The following CSN3 variants were observed in gnomAD, a reference collection of about 807,000 sequenced individuals.
CSN3 encodes the protein casein kappa.
CSN3 carries 7 observed loss-of-function variants against 9.9 expected under a neutral mutation model. The ratio of observed to expected loss-of-function variants is 0.71; its 90% CI spans 0.40 to 1.33. The LOEUF (loss-of-function observed/expected upper bound fraction) is 1.33, where lower values mean the gene tolerates loss of function less well. CSN3 is among the 40% of genes most tolerant of loss of function. CSN3 has a pLI of 0.01. For synonymous variants in CSN3, 88 were observed against 82.3 expected, an observed-to-expected ratio of 1.07 and a Z score of -0.37; for missense variants, 253 against 227.9, an observed-to-expected ratio of 1.11 and a Z score of -0.71.
chr4:70,247,925 G>T, intron 3 of CSN3, 75 bp downstream of exon 3: 2 of 1,052,858 alleles, frequency 1.9e-6, no homozygotes, highest in South Asian at 1.7e-5. Context: ...TTGTATTATA[G>T]ATGCCTTCTG....
At chr4:70,246,192 A>G (rs1327644043) in intron 2 of CSN3, among the ~76,000 whole-genome samples, 2 of 152,184 alleles carry the variant, frequency 1.3e-5, no homozygotes, top group African/African-American at 4.8e-5. Flanking sequence ...CAAAATAAAA[A>G]TAGTTAGATA....
chr4:70,246,598 G>T (rs62308383), intron 2 of CSN3, among the ~76,000 whole-genome samples: 17,317 of 151,216 alleles, frequency 0.11, 1,306 homozygotes, highest in East Asian at 0.27. Flanking sequence ...CATAACATAG[G>T]TTGATATCGC....
chr4:70,244,307 G>T (rs193044802), intron 1 of CSN3, among the ~76,000 whole-genome samples: 2 of 151,798 alleles, frequency 1.3e-5, no homozygotes, highest in African/African-American at 4.8e-5. Flanking sequence ...TGTTCATGGC[G>T]ATTCTCAAGA....
chr4:70,244,785 T>A, intron 1 of CSN3, 27 bp from the exon 2 acceptor site: 1 of 1,370,780 alleles, frequency 7.3e-7, no homozygotes, highest in Non-Finnish European at 9.8e-7. Context: ...TTCTTTTAAA[T>A]TAATTTTTTT....
chr4:70,247,760 T>C (rs1026541443), intron 2 of CSN3, 58 bp from the exon 3 acceptor site: 175 of 1,348,480 alleles, frequency 1.3e-4, no homozygotes, highest in Non-Finnish European at 1.6e-4. Flanking sequence ...CTGATTTAAG[T>C]ACTTTTTTTT....
intron 3 of CSN3, 60 bp downstream of exon 3, chr4:70,247,910 G>C (rs1271503659): frequency 4.6e-6 from 6 of 1,314,770 alleles, no homozygotes; most frequent in Non-Finnish European, 6.3e-6. Flanking sequence ...TTCTGCAAAG[G>C]TCAATTGTAT....
upstream of CSN3, among the ~76,000 whole-genome samples, chr4:70,240,942 T>A (rs1730260343): frequency 6.6e-6 from 1 of 152,088 alleles, no homozygotes; most frequent in South Asian, 2.1e-4. Context: ...GTAAACATGT[T>A]TTTATCTTGG....
At chr4:70,242,567 C>T (rs1457112639), upstream of CSN3, 1 of 149,624 alleles carries the variant, frequency 6.7e-6, no homozygotes, top group Non-Finnish European at 1.5e-5. Context: ...GGTACTAATA[C>T]CCTTTAATTG....
At chr4:70,243,336 T>G (rs1730309511) in intron 1 of CSN3, 1 of 177,478 alleles carries the variant, frequency 5.6e-6, no homozygotes, top group Non-Finnish European at 1.1e-5. Flanking sequence ...TTTCAGTCTA[T>G]AATCCTAAAA....
At chr4:70,239,440 G>A (rs777795), upstream of CSN3, among the ~76,000 whole-genome samples, 108,363 of 151,704 alleles carry the variant, frequency 0.71, 38,946 homozygotes, top group Admixed American at 0.82. Context: ...TCTTGGGTTC[G>A]TGTTGGAGAA....
intron 2 of CSN3, among the ~76,000 whole-genome samples, chr4:70,245,123 T>G (rs1730353716): frequency 6.6e-6 from 1 of 152,086 alleles, no homozygotes; most frequent in African/African-American, 2.4e-5. Flanking sequence ...CTTTTAAAAT[T>G]CTCATGCTAT....
chr4:70,242,902 C>CA (rs1730301308), intron 1 of CSN3, among the ~76,000 whole-genome samples: 1 of 152,036 alleles, frequency 6.6e-6, no homozygotes, highest in African/African-American at 2.4e-5. Context: ...CCAACTAAAT[C>CA]ATAGCAGCCA....
intron 1 of CSN3, among the ~76,000 whole-genome samples, chr4:70,243,637 T>A (rs141763535): frequency 6.6e-6 from 1 of 152,160 alleles, no homozygotes; most frequent in East Asian, 1.9e-4. Flanking sequence ...TATGAGTGTG[T>A]CAATAACAAT....
upstream of CSN3, among the ~76,000 whole-genome samples, chr4:70,239,716 T>C (rs1461976776): frequency 6.6e-6 from 1 of 151,944 alleles, no homozygotes; most frequent in Non-Finnish European, 1.5e-5. Context: ...TCTACTATAC[T>C]CCCAAAAGTA....
exon 5 of CSN3, chr4:70,251,407 C>T (rs1209980669): frequency 6.6e-6 from 1 of 152,154 alleles, no homozygotes; most frequent in Non-Finnish European, 1.5e-5. Context: ...GATTCTTGCA[C>T]AATAAAGCCA....
chr4:70,246,398 CTGTT>C (rs1295601275), intron 2 of CSN3, among the ~76,000 whole-genome samples: 1 of 152,014 alleles, frequency 6.6e-6, no homozygotes, highest in Non-Finnish European at 1.5e-5. Flanking sequence ...AATCATCACT[CTGTT>C]TATAATTAAA....
chr4:70,246,696 G>C (rs1247104390), intron 2 of CSN3, among the ~76,000 whole-genome samples: 1 of 132,428 alleles, frequency 7.6e-6, no homozygotes, highest in African/African-American at 2.7e-5. Context: ...TTTTGAGACA[G>C]AGTCTCGCTT....
At chr4:70,249,374 T>C in exon 4 of CSN3, 1 of 1,614,060 alleles carries the variant, frequency 6.2e-7, no homozygotes, top group African/African-American at 1.3e-5. Flanking sequence ...GTGGACAGTG[T>C]AGTCACTCCA....
chr4:70,249,429 C>G (rs760715639), exon 4 of CSN3: 1 of 1,613,824 alleles, frequency 6.2e-7, no homozygotes, highest in South Asian at 1.1e-5. Flanking sequence ...CTGAGACAAC[C>G]ACAGTTGCAG....
Sources: gnomAD v4.1 joint callset for allele counts (sites outside exome capture counted in the v4.1 genomes callset) on GRCh38, gnomAD v4.1.1 for gene constraint, MANE v1.5 for transcripts, NCBI Gene and HGNC (gene_info 2026-07-23, HGNC 2026-07-21) for gene names.